Variants in AGBL4 observed in about 807,000 individuals in gnomAD.
AGBL4 encodes the protein AGBL carboxypeptidase 4, also known as cytosolic carboxypeptidase 6.
Under a neutral mutation model 66.4 loss-of-function variants are expected in AGBL4, and 58 were observed. That is an observed-to-expected ratio of 0.87 (90% CI 0.71 to 1.09). The LOEUF (loss-of-function observed/expected upper bound fraction) is 1.09. Ranked by LOEUF, AGBL4 falls within the 50% of genes least tolerant of loss-of-function variation. The pLI, the probability that AGBL4 is intolerant of heterozygous loss-of-function variation, is 0.00. For synonymous variants in AGBL4, 234 were observed against 222.9 expected, an observed-to-expected ratio of 1.05 and a Z score of -0.44; for missense variants, 579 against 631.0, an observed-to-expected ratio of 0.92 and a Z score of 0.88.
intron 4 of AGBL4, among the ~76,000 whole-genome samples, chr1:49,170,245 T>C (rs906879155): frequency 6.9e-6 from 1 of 145,120 alleles, no homozygotes; most frequent in African/African-American, 2.5e-5. Flanking sequence ...TTTATATTCA[T>C]ATAAATATAT....
chr1:48,587,621 A>AT (rs1553191518), intron 10 of AGBL4, among the ~76,000 whole-genome samples: 3 of 148,338 alleles, frequency 2.0e-5, no homozygotes, highest in Non-Finnish European at 4.5e-5. Context: ...TTATTATTTT[A>AT]TTTATTTTAT....
intron 10 of AGBL4, among the ~76,000 whole-genome samples, chr1:48,590,421 A>AAAAT (rs1034791591): frequency 6.6e-6 from 1 of 151,364 alleles, no homozygotes; most frequent in Non-Finnish European, 1.5e-5. Flanking sequence ...AAAAAAAAAA[A>AAAAT]AAAATTAGCC....
chr1:49,976,188 C>A (rs1336820926), intron 1 of AGBL4, among the ~76,000 whole-genome samples: 1 of 152,124 alleles, frequency 6.6e-6, no homozygotes, highest in Non-Finnish European at 1.5e-5. Flanking sequence ...CATTATTTGT[C>A]TTTTTAATTT....
At chr1:49,288,795 A>G (rs1644478309) in intron 3 of AGBL4, among the ~76,000 whole-genome samples, 1 of 152,216 alleles carries the variant, frequency 6.6e-6, no homozygotes, top group South Asian at 2.1e-4. Flanking sequence ...GAGTAAGGGC[A>G]AGCCAAACAT....
intron 4 of AGBL4, among the ~76,000 whole-genome samples, chr1:49,136,831 T>C (rs1646021263): frequency 6.6e-6 from 1 of 152,154 alleles, no homozygotes; most frequent in South Asian, 2.1e-4. Flanking sequence ...CTGCAGGAAT[T>C]CCCACTGCTG....
intron 4 of AGBL4, among the ~76,000 whole-genome samples, chr1:49,170,328 T>A (rs1259165988): frequency 6.9e-6 from 1 of 144,206 alleles, no homozygotes; most frequent in Non-Finnish European, 1.5e-5. Context: ...TATATTCATA[T>A]AAATATCATA....
chr1:49,987,011 T>G (rs545593643), intron 1 of AGBL4, among the ~76,000 whole-genome samples: 22 of 152,192 alleles, frequency 1.4e-4, no homozygotes, highest in African/African-American at 5.1e-4. Context: ...CAGAAGATTT[T>G]GATGGGTCAC....
chr1:49,306,147 T>TG (rs2148452795), intron 3 of AGBL4, among the ~76,000 whole-genome samples: 1 of 152,328 alleles, frequency 6.6e-6, no homozygotes, highest in East Asian at 1.9e-4. Context: ...TCTGTTCAAT[T>TG]GCTGAGCATA....
At chr1:48,830,960 A>G (rs543063847) in intron 6 of AGBL4, among the ~76,000 whole-genome samples, 4 of 152,286 alleles carry the variant, frequency 2.6e-5, no homozygotes, top group South Asian at 2.1e-4. Flanking sequence ...TCAACTCACA[A>G]TCTTGTGGGG....
chr1:49,170,074 C>A (rs1328859974), intron 4 of AGBL4, among the ~76,000 whole-genome samples: 2 of 151,620 alleles, frequency 1.3e-5, no homozygotes, highest in Non-Finnish European at 2.9e-5. Flanking sequence ...AAACGTCAGG[C>A]TTCACCACTG....
intron 3 of AGBL4, among the ~76,000 whole-genome samples, chr1:49,287,258 C>A (rs1359046647): frequency 1.4e-5 from 2 of 140,678 alleles, no homozygotes; most frequent in Admixed American, 7.2e-5. Flanking sequence ...ACCATAAAAA[C>A]CCTAGAAGAA....
chr1:48,698,353 C>T (rs531254837), intron 6 of AGBL4, among the ~76,000 whole-genome samples: 8 of 152,296 alleles, frequency 5.3e-5, no homozygotes, highest in South Asian at 2.1e-4. Flanking sequence ...AAGGTCACTA[C>T]GGTACAGTGG....
intron 4 of AGBL4, among the ~76,000 whole-genome samples, chr1:49,067,509 C>T (rs1446987971): frequency 6.6e-6 from 1 of 152,100 alleles, no homozygotes; most frequent in African/African-American, 2.4e-5. Context: ...ATTCTATTGC[C>T]TTTCCATTTA....
chr1:49,980,263 T>G (rs1658951392), intron 1 of AGBL4, among the ~76,000 whole-genome samples: 1 of 152,120 alleles, frequency 6.6e-6, no homozygotes, highest in Non-Finnish European at 1.5e-5. Context: ...TAAAAACACA[T>G]AGCATAAAAT....
At chr1:49,505,012 A>G (rs750756343) in intron 3 of AGBL4, among the ~76,000 whole-genome samples, 3 of 151,878 alleles carry the variant, frequency 2.0e-5, no homozygotes, top group Non-Finnish European at 4.4e-5. Flanking sequence ...TTGTGTACCT[A>G]CTATAGGTTT....
intron 3 of AGBL4, among the ~76,000 whole-genome samples, chr1:49,502,073 A>G (rs1648215548): frequency 6.6e-6 from 1 of 152,132 alleles, no homozygotes. Flanking sequence ...TGAGAAGAAT[A>G]TGTGTTCTGC....
intron 1 of AGBL4, among the ~76,000 whole-genome samples, chr1:49,889,729 C>G (rs1215245176): frequency 7.6e-6 from 1 of 132,286 alleles, no homozygotes; most frequent in Non-Finnish European, 1.5e-5. Context: ...TGCACTCCAG[C>G]CTAGGTGACA....
intron 11 of AGBL4, among the ~76,000 whole-genome samples, chr1:48,543,673 G>A (rs1325202223): frequency 2.6e-5 from 4 of 152,206 alleles, no homozygotes; most frequent in Non-Finnish European, 5.9e-5. Flanking sequence ...GGACCATGGA[G>A]ATGGACAAGT....
At chr1:49,740,970 T>C (rs2124747764) in intron 2 of AGBL4, among the ~76,000 whole-genome samples, 1 of 152,196 alleles carries the variant, frequency 6.6e-6, no homozygotes, top group East Asian at 1.9e-4. Flanking sequence ...ATTGACACCC[T>C]AACATCACAA....
Sources: gnomAD v4.1 joint callset for allele counts (sites outside exome capture counted in the v4.1 genomes callset) on GRCh38, gnomAD v4.1.1 for gene constraint, MANE v1.5 for transcripts, NCBI Gene and HGNC (gene_info 2026-07-23, HGNC 2026-07-21) for gene names.